The following MKLN1 variants were observed in gnomAD, a reference collection of about 807,000 sequenced individuals.
MKLN1 encodes the protein muskelin.
MKLN1 carries 18 observed loss-of-function variants against 99.0 expected under a neutral mutation model. The observed-to-expected ratio is 0.18, with a 90% CI of 0.13 to 0.27. MKLN1 has a LOEUF of 0.27. MKLN1 is among the 10% of genes least tolerant of loss of function. MKLN1 has a pLI of 1.00. For synonymous variants in MKLN1, 288 were observed against 293.2 expected (o/e 0.98, Z 0.18); for missense variants, 621 against 875.9 (o/e 0.71, Z 3.67).
intron 2 of MKLN1, among the ~76,000 whole-genome samples, chr7:131,192,111 A>G (rs1475607471): frequency 3.2e-4 from 29 of 90,448 alleles, no homozygotes; most frequent in African/African-American, 1.6e-3. Context: ...TATATATATT[A>G]TATATATACG....
intron 2 of MKLN1, among the ~76,000 whole-genome samples, chr7:131,190,461 A>C (rs879738339): frequency 4.2e-4 from 49 of 115,422 alleles, no homozygotes; most frequent in Admixed American, 1.0e-3. Context: ...GCAGCTCTGA[A>C]AAAAAAAAAA....
intron 15 of MKLN1, 34 bp downstream of exon 15, chr7:131,466,449 A>G: frequency 2.7e-6 from 4 of 1,466,014 alleles, no homozygotes; most frequent in Non-Finnish European, 3.7e-6. Flanking sequence ...CATTTAATTA[A>G]CATTATCAGC....
chr7:131,322,795 C>T (rs1329439318), intron 3 of MKLN1, among the ~76,000 whole-genome samples: 1 of 151,720 alleles, frequency 6.6e-6, no homozygotes, highest in Non-Finnish European at 1.5e-5. Context: ...TGGTCTCGAT[C>T]TCCTGACCTC....
chr7:131,343,793 T>G (rs535435628), intron 1 of MKLN1, among the ~76,000 whole-genome samples: 1 of 152,312 alleles, frequency 6.6e-6, no homozygotes, highest in South Asian at 2.1e-4. Context: ...AGGGCAGCAC[T>G]TATTTTTATA....
intron 3 of MKLN1, among the ~76,000 whole-genome samples, chr7:131,273,806 A>T (rs565006489): frequency 2.0e-4 from 30 of 151,912 alleles, no homozygotes; most frequent in Non-Finnish European, 3.2e-4. Context: ...TATGGGCAAC[A>T]TAGCGAGATC....
At chr7:131,232,087 C>A (rs943860284) in intron 3 of MKLN1, among the ~76,000 whole-genome samples, 2 of 152,034 alleles carry the variant, frequency 1.3e-5, no homozygotes, top group Non-Finnish European at 2.9e-5. Context: ...TTATTTGGAT[C>A]AGTGATTGAT....
At chr7:131,213,661 G>A (rs1359753794) in intron 3 of MKLN1, among the ~76,000 whole-genome samples, 1 of 152,168 alleles carries the variant, frequency 6.6e-6, no homozygotes, top group Non-Finnish European at 1.5e-5. Context: ...TTTACCTAAG[G>A]GAGGAACTAC....
chr7:131,251,671 T>TC (rs999677300), intron 3 of MKLN1, among the ~76,000 whole-genome samples: 4 of 83,460 alleles, frequency 4.8e-5, no homozygotes, highest in African/African-American at 1.6e-4. Flanking sequence ...CAACATTTTC[T>TC]TTTTTTTTTT....
At chr7:131,271,612 G>A (rs1271529108) in intron 3 of MKLN1, among the ~76,000 whole-genome samples, 12 of 123,994 alleles carry the variant, frequency 9.7e-5, no homozygotes, top group South Asian at 2.8e-4. Flanking sequence ...GTGAGACTCC[G>A]TCTCCTAAAA....
intron 1 of MKLN1, among the ~76,000 whole-genome samples, chr7:131,368,647 G>GC (rs1006363598): frequency 2.8e-4 from 42 of 151,864 alleles, no homozygotes; most frequent in South Asian, 1.0e-3. Context: ...GGGGAAATTC[G>GC]CCCCCCCATG....
At chr7:131,157,411 T>A (rs1795985619) in intron 2 of MKLN1, among the ~76,000 whole-genome samples, 1 of 151,878 alleles carries the variant, frequency 6.6e-6, no homozygotes, top group Admixed American at 6.6e-5. Context: ...AATAAAAAAA[T>A]TCCTTAGAGC....
intron 2 of MKLN1, among the ~76,000 whole-genome samples, chr7:131,191,505 A>G (rs535839973): frequency 6.6e-6 from 1 of 152,324 alleles, no homozygotes; most frequent in South Asian, 2.1e-4. Context: ...AGAATAAATT[A>G]CTTCCACCCT....
intron 3 of MKLN1, among the ~76,000 whole-genome samples, chr7:131,240,310 A>G (rs1450965817): frequency 1.3e-5 from 2 of 152,240 alleles, no homozygotes; most frequent in African/African-American, 2.4e-5. Context: ...TCCTTAATGT[A>G]TAAGGAGCAG....
At chr7:131,471,081 A>G in intron 16 of MKLN1, 137 bp downstream of exon 16, 2 of 599,888 alleles carry the variant, frequency 3.3e-6, no homozygotes, top group South Asian at 4.4e-5. Context: ...TTAAAATGTC[A>G]CAGAGCAGGT....
rs910685275 is a variant in MKLN1 at position 131,167,676 on chromosome 7, A to AT, written c.-297+24735_-297+24736insT. On this transcript the variant is annotated intron_variant, in intron 2 of 7. Transcript: ENST00000416992. ...AACAGAGCAAGACTCTGTCTCAAAA[A>AT]AAAAAAAAAATAATGTGGAAAAGAA... is the stretch of plus-strand genomic sequence containing the variant. 3.2e-4 allele frequency among the ~76,000 whole-genome samples: 49 copies of AT among 151,990 alleles called. 1 individual carries two copies. The South Asian group carries it at 0.01, about 32-fold the overall frequency.
chr7:131,278,957 A>T (rs1798012548), intron 3 of MKLN1, among the ~76,000 whole-genome samples: 1 of 152,160 alleles, frequency 6.6e-6, no homozygotes, highest in Non-Finnish European at 1.5e-5. Flanking sequence ...CTCTGGACTA[A>T]ATGTAATTTT....
chr7:131,303,486 G>A (rs1798407922), intron 3 of MKLN1, among the ~76,000 whole-genome samples: 1 of 152,202 alleles, frequency 6.6e-6, no homozygotes, highest in South Asian at 2.1e-4. Context: ...GTTCGTTTTG[G>A]CAAGGTTATG....
chr7:131,315,595 G>A (rs769749127), intron 3 of MKLN1, among the ~76,000 whole-genome samples: 1 of 152,176 alleles, frequency 6.6e-6, no homozygotes, highest in Non-Finnish European at 1.5e-5. Flanking sequence ...GAGTCAAGTG[G>A]TCTTGCTAAG....
chr7:131,389,482 T>C (rs1794129480), intron 4 of MKLN1, among the ~76,000 whole-genome samples: 1 of 152,122 alleles, frequency 6.6e-6, no homozygotes, highest in Non-Finnish European at 1.5e-5. Context: ...AGTTAAATGC[T>C]GGTCAAACCC....
Sources: gnomAD v4.1 joint callset for allele counts (sites outside exome capture counted in the v4.1 genomes callset) on GRCh38, gnomAD v4.1.1 for gene constraint, MANE v1.5 for transcripts, NCBI Gene and HGNC (gene_info 2026-07-23, HGNC 2026-07-21) for gene names.